CCBE1: variants seen among roughly 807,000 people sequenced by gnomAD.
CCBE1 encodes the protein collagen and calcium binding EGF domains 1.
Under a neutral mutation model 50.0 loss-of-function variants are expected in CCBE1, and 37 were observed. The observed-to-expected ratio is 0.74, with a 90% CI of 0.57 to 0.97. The LOEUF is 0.97. Among genes scored for constraint, CCBE1 ranks in the 50% least tolerant of loss-of-function variants. The pLI, the probability that CCBE1 is intolerant of heterozygous loss-of-function variation, is 0.00. For missense variants in CCBE1, 538 were observed against 523.8 expected (o/e 1.03, Z -0.26); for synonymous variants, 234 against 203.7 (o/e 1.15, Z -1.27).
At chr18:59,442,996 T>C (rs897763783) in intron 7 of CCBE1, among the ~76,000 whole-genome samples, 2 of 139,324 alleles carry the variant, frequency 1.4e-5, no homozygotes, top group African/African-American at 5.7e-5. Flanking sequence ...GGGTTGTGTT[T>C]TGTTTTGTTT....
At chr18:59,686,524 C>G (rs1231121653) in intron 2 of CCBE1, among the ~76,000 whole-genome samples, 1 of 152,224 alleles carries the variant, frequency 6.6e-6, no homozygotes, top group African/African-American at 2.4e-5. Context: ...CAGCTTCTGA[C>G]AGTGAGTCCT....
At chr18:59,487,465 C>T (rs889213632) in intron 2 of CCBE1, among the ~76,000 whole-genome samples, 5 of 148,308 alleles carry the variant, frequency 3.4e-5, no homozygotes, top group African/African-American at 1.2e-4. Flanking sequence ...TTTTACACTA[C>T]ATCCCCCAAG....
intron 4 of CCBE1, among the ~76,000 whole-genome samples, chr18:59,468,327 G>C (rs1329128143): frequency 6.6e-6 from 1 of 152,224 alleles, no homozygotes; most frequent in Non-Finnish European, 1.5e-5. Context: ...TGAGGCTGCA[G>C]TGAGCCATGA....
chr18:59,617,816 C>A (rs1281562232), intron 2 of CCBE1, among the ~76,000 whole-genome samples: 4 of 152,172 alleles, frequency 2.6e-5, no homozygotes, highest in African/African-American at 9.7e-5. Flanking sequence ...TTATCACAGG[C>A]CTCCACCTCC....
chr18:59,556,947 G>A (rs1013599267), intron 2 of CCBE1, among the ~76,000 whole-genome samples: 8 of 151,326 alleles, frequency 5.3e-5, no homozygotes, highest in African/African-American at 1.9e-4. Context: ...GCCCTGCCAT[G>A]TTTCACATTA....
At chr18:59,516,547 CTG>C (rs761447414) in intron 2 of CCBE1, among the ~76,000 whole-genome samples, 6 of 152,182 alleles carry the variant, frequency 3.9e-5, no homozygotes, top group Non-Finnish European at 8.8e-5. Flanking sequence ...GCAAAACAAT[CTG>C]TGCTGAAAAG....
intron 2 of CCBE1, among the ~76,000 whole-genome samples, chr18:59,582,051 C>T (rs946713616): frequency 1.6e-4 from 24 of 152,170 alleles, no homozygotes; most frequent in African/African-American, 5.8e-4. Flanking sequence ...AGGTACAGGG[C>T]TCCTGTTCTT....
chr18:59,547,108 G>A (rs28695524), intron 2 of CCBE1, among the ~76,000 whole-genome samples: 13 of 119,348 alleles, frequency 1.1e-4, no homozygotes, highest in South Asian at 2.9e-4. Context: ...GTAGGGAGAG[G>A]GAGGGGAAGA....
chr18:59,529,651 C>T (rs1914971855), intron 2 of CCBE1, among the ~76,000 whole-genome samples: 1 of 152,174 alleles, frequency 6.6e-6, no homozygotes, highest in African/African-American at 2.4e-5. Context: ...TCTCTCCACC[C>T]TGTTTTCACT....
chr18:59,577,300 G>T (rs1379728605), intron 2 of CCBE1, among the ~76,000 whole-genome samples: 1 of 152,208 alleles, frequency 6.6e-6, no homozygotes, highest in African/African-American at 2.4e-5. Context: ...TAGGTCTCCA[G>T]GCAGCAGTTC....
rs1251835553 is a variant in CCBE1 at position 59,454,881 on chromosome 18, C to T, written c.624G>A (p.Met208Ile). 5.0e-6 allele frequency: 8 copies of T among 1,614,248 alleles called. No homozygotes were observed. Among genetic ancestry groups the T allele is most frequent in the Non-Finnish European group, 6.8e-6 (8 of 1,180,044 alleles). ...GCTTCAGCTGCAGCACGGTCTGCTT[C>T]ATCTGGTAGAACTCCTTGCATGTGG... ...CCATCKEFYQMKQTVLQLKQK... is the reference protein window; with the variant it reads ...CCATCKEFYQIKQTVLQLKQK... Residue 208 changes from methionine (M) to isoleucine (I), a missense_variant, in exon 6 of 11, where the codon ATG becomes ATA. Met to Ile is a conservative substitution (Grantham distance 10, BLOSUM62 1). Coordinates refer to ENST00000439986, the MANE Select transcript of CCBE1 (RefSeq NM_133459.4).
chr18:59,466,770 A>G lies in CCBE1; in HGVS notation c.522T>C (p.Cys174=). Residue 174 remains cysteine, a synonymous_variant, in exon 5 of 11, where the codon TGT becomes TGC. Transcript: ENST00000439986. Reference sequence around the variant, plus strand: ...CATTGGGATATTTGTCTCCCCTGGTACATGTCTTCCCATCATCTTCCCGGA... The same window carrying G: ...CATTGGGATATTTGTCTCCCCTGGTGCATGTCTTCCCATCATCTTCCCGGA... ...GYIREDDGKT[C]TRGDKYPNDT... 6.2e-7 allele frequency: 1 copy of G among 1,613,558 alleles called. No individual in the cohort carries two copies. The highest frequency in any genetic ancestry group is 8.5e-7 in the Non-Finnish European group (1 of 1,179,878).
intron 2 of CCBE1, among the ~76,000 whole-genome samples, chr18:59,635,166 C>T (rs781630095): frequency 3.9e-5 from 6 of 152,186 alleles, no homozygotes; most frequent in Non-Finnish European, 7.3e-5. Flanking sequence ...TGATATTAGA[C>T]TTTTGCAGCT....
At chr18:59,597,842 T>C (rs8085305) in intron 2 of CCBE1, among the ~76,000 whole-genome samples, 6,596 of 152,184 alleles carry the variant, frequency 0.043, 387 homozygotes, top group African/African-American at 0.13. Flanking sequence ...TTGAACACAG[T>C]TACCTGACGT....
chr18:59,464,658 G>T (rs747580857), intron 5 of CCBE1, among the ~76,000 whole-genome samples: 1 of 152,152 alleles, frequency 6.6e-6, no homozygotes, highest in South Asian at 2.1e-4. Context: ...ATTTACTTCC[G>T]ACATATGGCA....
chr18:59,545,753 A>G lies in CCBE1; in HGVS notation c.213-65515T>C, dbSNP rs867974537. 4.6e-5 allele frequency among the ~76,000 whole-genome samples: 7 copies of G among 152,298 alleles called. No homozygotes were observed. The East Asian group carries it at 1.2e-3, about 25-fold the overall frequency. On this transcript the variant is annotated intron_variant, in intron 2 of 10. Coordinates refer to ENST00000439986, the MANE Select transcript of CCBE1 (RefSeq NM_133459.4). ...TCCCTTACTGTTCTCATGGTAGTGA[A>G]TAAGTCTCATGAGATCTGACGGTTT...
At chr18:59,650,589 C>A (rs1206769183) in intron 2 of CCBE1, among the ~76,000 whole-genome samples, 2 of 151,520 alleles carry the variant, frequency 1.3e-5, no homozygotes, top group African/African-American at 2.4e-5. Context: ...ATTATCCCAG[C>A]CGGAATTTGA....
intron 2 of CCBE1, among the ~76,000 whole-genome samples, chr18:59,543,378 C>T (rs1915543995): frequency 6.6e-6 from 1 of 152,060 alleles, no homozygotes; most frequent in South Asian, 2.1e-4. Flanking sequence ...TTGTTTTCCT[C>T]CCAGAAAAAG....
chr18:59,666,298 A>G (rs1037999727), intron 2 of CCBE1: 1 of 152,178 alleles, frequency 6.6e-6, no homozygotes, highest in Non-Finnish European at 1.5e-5. Flanking sequence ...CTCATGGCAC[A>G]TGGGAATTGT....
Sources: gnomAD v4.1 joint callset for allele counts (sites outside exome capture counted in the v4.1 genomes callset) on GRCh38, gnomAD v4.1.1 for gene constraint, MANE v1.5 for transcripts, NCBI Gene and HGNC (gene_info 2026-07-23, HGNC 2026-07-21) for gene names.